Variants in SYCP1 observed in about 807,000 individuals in gnomAD.
SYCP1 encodes cancer/testis antigen 8.
A neutral mutation model predicts 153.1 loss-of-function variants in SYCP1; 64 were observed. The observed-to-expected ratio is 0.42, with a 90% CI of 0.34 to 0.51. The LOEUF (loss-of-function observed/expected upper bound fraction) is 0.51, where lower values mean the gene tolerates loss of function less well. SYCP1 is among the 20% of genes least tolerant of loss of function. SYCP1 has a pLI of 0.06. For missense variants in SYCP1, 997 were observed against 1,049.0 expected (o/e 0.95, Z 0.68); for synonymous variants, 384 against 341.8 (o/e 1.12, Z -1.36).
At chr1:114,909,446 C>A (rs1261788482) in intron 16 of SYCP1, among the ~76,000 whole-genome samples, 3 of 149,164 alleles carry the variant, frequency 2.0e-5, no homozygotes, top group Non-Finnish European at 4.5e-5. Context: ...CTCTCTCTCT[C>A]CCCCGCCCTC....
chr1:114,985,468 T>G (rs968346907), intron 30 of SYCP1, among the ~76,000 whole-genome samples: 1 of 151,934 alleles, frequency 6.6e-6, no homozygotes, highest in Admixed American at 6.6e-5. Flanking sequence ...ATAATGAAGC[T>G]TAGATTCATT....
At chr1:114,928,499 G>A (rs1669405646) in intron 23 of SYCP1, among the ~76,000 whole-genome samples, 1 of 152,124 alleles carries the variant, frequency 6.6e-6, no homozygotes, top group Non-Finnish European at 1.5e-5. Context: ...CAATACTTAA[G>A]GAATTTCTTC....
In SYCP1 at chr1:114,919,471, T is replaced by TA. The variant is rs568231007; in HGVS notation, c.1719-3977dup. Among the ~76,000 whole-genome samples, 27 of 152,136 alleles carry TA rather than the reference T, an allele frequency of 1.8e-4. 1 individual carries two copies. In the South Asian group the frequency reaches 5.2e-3, roughly 29 times the overall value. On this transcript the variant is annotated intron_variant, in intron 20 of 31. Coordinates refer to ENST00000369522, the MANE Select transcript of SYCP1 (RefSeq NM_003176.4). ...ATATTGGCCTTTAGTTTCCTTTTTTTATGTGTCTTTATTTGGCTTTGGTAT... is the reference window on the plus strand; with the variant it reads ...ATATTGGCCTTTAGTTTCCTTTTTTTAATGTGTCTTTATTTGGCTTTGGTAT...
intron 23 of SYCP1, among the ~76,000 whole-genome samples, chr1:114,940,330 C>G (rs577787695): frequency 6.6e-6 from 1 of 152,138 alleles, no homozygotes; most frequent in Admixed American, 6.6e-5. Flanking sequence ...CTCTTGGCCT[C>G]AAGTGATCTG....
At chr1:114,987,557 C>T (rs553912250) in intron 30 of SYCP1, among the ~76,000 whole-genome samples, 125 of 151,926 alleles carry the variant, frequency 8.2e-4, no homozygotes, top group Admixed American at 1.6e-3. Context: ...TCTAACTACT[C>T]AGGAGGCTGA....
chr1:114,898,600 T>C (rs1667216362), intron 16 of SYCP1, among the ~76,000 whole-genome samples: 1 of 152,198 alleles, frequency 6.6e-6, no homozygotes, highest in African/African-American at 2.4e-5. Flanking sequence ...CTAATGAGTT[T>C]AGAAAGTAAT....
At chr1:114,904,547 T>C (rs1667696577) in intron 16 of SYCP1, among the ~76,000 whole-genome samples, 1 of 152,346 alleles carries the variant, frequency 6.6e-6, no homozygotes, top group South Asian at 2.1e-4. Context: ...GAACGTAGTA[T>C]CTGTTTCTAT....
intron 27 of SYCP1, among the ~76,000 whole-genome samples, chr1:114,968,533 C>T (rs1260124813): frequency 6.7e-6 from 1 of 150,120 alleles, no homozygotes; most frequent in Non-Finnish European, 1.5e-5. Context: ...TCCATCAGGT[C>T]TTTTCTGTTC....
intron 27 of SYCP1, among the ~76,000 whole-genome samples, chr1:114,972,165 AATTT>A (rs770358789): frequency 3.3e-5 from 5 of 151,970 alleles, no homozygotes; most frequent in Admixed American, 1.3e-4. Context: ...TGTGGCTAGG[AATTT>A]ATTTATTTTT....
At chr1:114,873,827 G>A (rs547919362) in intron 8 of SYCP1, among the ~76,000 whole-genome samples, 1 of 152,176 alleles carries the variant, frequency 6.6e-6, no homozygotes, top group Admixed American at 6.5e-5. Flanking sequence ...TGCCTTCTGG[G>A]TTCAAGCGAT....
At chr1:114,863,246 C>T (rs963255835) in intron 8 of SYCP1, 1 of 151,172 alleles carries the variant, frequency 6.6e-6, no homozygotes, top group African/African-American at 2.4e-5. Context: ...AATTTACACT[C>T]CCACCAATAG....
intron 27 of SYCP1, among the ~76,000 whole-genome samples, chr1:114,950,919 G>T (rs1671063528): frequency 6.6e-6 from 1 of 151,702 alleles, no homozygotes; most frequent in Non-Finnish European, 1.5e-5. Flanking sequence ...CCACCTCCCG[G>T]GTTCACGCCA....
chr1:114,985,088 T>C (rs1673408079), intron 30 of SYCP1, among the ~76,000 whole-genome samples: 1 of 151,704 alleles, frequency 6.6e-6, no homozygotes, highest in Admixed American at 6.6e-5. Flanking sequence ...CCTGGCACTT[T>C]GAAAATACTT....
At chr1:114,859,043 A>C (rs2101283300) in intron 6 of SYCP1, among the ~76,000 whole-genome samples, 1 of 152,296 alleles carries the variant, frequency 6.6e-6, no homozygotes, top group East Asian at 1.9e-4. Context: ...TTAGATTACA[A>C]TAGTTGTAGG....
At chr1:114,879,329 T>C (rs1665754040) in intron 12 of SYCP1, among the ~76,000 whole-genome samples, 1 of 152,226 alleles carries the variant, frequency 6.6e-6, no homozygotes. Flanking sequence ...TTATCTGGTT[T>C]CTGCCAATCT....
chr1:114,876,107 TGAG>T lies in SYCP1; in HGVS notation c.697_699del (p.Glu233del). On this transcript the variant is annotated inframe_deletion, in exon 10 of 32. Transcript: ENST00000369522. ...CTTTTGAGGAACTTCGTGTGCAAGCTGAGAATTCCAGACTGGAAATGCATTTTA... is the reference window on the plus strand; with the variant it reads ...CTTTTGAGGAACTTCGTGTGCAAGCTAATTCCAGACTGGAAATGCATTTTA... 6.3e-7 allele frequency: 1 copy of T among 1,585,484 alleles called. No individual in the cohort carries two copies. The highest frequency in any genetic ancestry group is 8.6e-7 in the Non-Finnish European group (1 of 1,164,406).
At chr1:114,951,995 T>C (rs751255559) in intron 27 of SYCP1, among the ~76,000 whole-genome samples, 1 of 140,206 alleles carries the variant, frequency 7.1e-6, no homozygotes. Context: ...ATGTAAATAC[T>C]TTTTTTTAGT....
At chr1:114,923,700 T>C (rs1669059806) in intron 21 of SYCP1, 170 bp downstream of exon 21, 1 of 518,474 alleles carries the variant, frequency 1.9e-6, no homozygotes. Flanking sequence ...ATTATTTTAC[T>C]ATTGATATCT....
intron 23 of SYCP1, among the ~76,000 whole-genome samples, chr1:114,932,747 A>C (rs1028406650): frequency 3.9e-5 from 6 of 152,240 alleles, no homozygotes; most frequent in African/African-American, 1.4e-4. Flanking sequence ...ACACACCAGG[A>C]GATTATATCC....
Sources: allele counts gnomAD v4.1 joint callset (sites outside exome capture counted in the v4.1 genomes callset), GRCh38; gene constraint gnomAD v4.1.1; transcripts MANE v1.5; gene names NCBI Gene and HGNC (gene_info 2026-07-23, HGNC 2026-07-21).